TWIST2: variants seen among roughly 807,000 people sequenced by gnomAD.
TWIST2 encodes twist family bHLH transcription factor 2, also known as twist-related protein 2.
TWIST2 carries 1 observed loss-of-function variant against 11.6 expected under a neutral mutation model. The ratio of observed to expected loss-of-function variants is 0.09; its 90% CI spans 0.03 to 0.41. TWIST2 has a LOEUF of 0.41. TWIST2 is among the 10% of genes least tolerant of loss of function. The probability of loss-of-function intolerance (pLI) is 0.98; values close to 1 mark genes in which losing one functional copy is unlikely to be tolerated. For synonymous variants in TWIST2, 87 were observed against 96.6 expected (o/e 0.90, Z 0.58); for missense variants, 168 against 226.4 (o/e 0.74, Z 1.66).
intron 1 of TWIST2, among the ~76,000 whole-genome samples, chr2:238,896,593 A>ATCTT (rs1693210575): frequency 1.3e-5 from 2 of 152,182 alleles, no homozygotes; most frequent in Non-Finnish European, 2.9e-5. Context: ...GCCCTGTAAG[A>ATCTT]GCTCAGAGCA....
Position 238,855,375 on chromosome 2 carries a change from T to C in TWIST2, c.*35+6642T>C, listed in dbSNP as rs143200775. ...CACCAATGGGCGAACAGTGTCTTCA[T>C]TGAGGATTAATTTTCCTGAAATCAA... is the stretch of plus-strand genomic sequence containing the variant. On this transcript the variant is annotated intron_variant, in intron 1 of 1. Transcript: ENST00000612363. Among the ~76,000 whole-genome samples the C allele has an allele frequency of 6.6e-3, 1,004 of 152,324 alleles. 3 individuals are homozygous for C. Among genetic ancestry groups the C allele is most frequent in the Middle Eastern group, 0.014 (4 of 294 alleles).
At position 238,848,124 on chromosome 2, in the gene TWIST2, C is replaced by G. The variant is rs1574742116; in HGVS notation, c.-92C>G. On this transcript the variant is annotated 5_prime_UTR_variant, in exon 1 of 2. Coordinates refer to ENST00000612363, the MANE Select transcript of TWIST2 (RefSeq NM_001271893.4). Reference sequence around the variant, plus strand: ...TGAAATCAGAGCCTTTCCAGCAACTCCGAGAGCGTGTGCTCGGCGACCGCG... The same window carrying G: ...TGAAATCAGAGCCTTTCCAGCAACTGCGAGAGCGTGTGCTCGGCGACCGCG... 1 of 1,050,636 alleles carries G rather than the reference C, an allele frequency of 9.5e-7. No individual in the cohort carries two copies. The highest frequency in any genetic ancestry group is 4.9e-5 in the East Asian group (1 of 20,480). The allele number at this position is 1,050,636 out of a possible 1,614,324, so 65.1% of individuals were successfully genotyped here.
At chr2:238,870,574 ACCACACACACACACCACACACC>A (rs1559274204) in intron 1 of TWIST2, among the ~76,000 whole-genome samples, 2,733 of 72,618 alleles carry the variant, frequency 0.038, no homozygotes, top group Non-Finnish European at 0.044. Context: ...CACACCACAC[ACCACACACACACACCACACACC>A]CCACACACAC....
intron 1 of TWIST2, 25 bp downstream of exon 1, chr2:238,848,758 G>T: frequency 3.0e-6 from 4 of 1,330,084 alleles, no homozygotes; most frequent in Non-Finnish European, 3.8e-6. Context: ...CGCGACGGGC[G>T]CCCTCCGCTG....
At chr2:238,880,026 C>T (rs1692879174) in intron 1 of TWIST2, among the ~76,000 whole-genome samples, 1 of 152,174 alleles carries the variant, frequency 6.6e-6, no homozygotes, top group African/African-American at 2.4e-5. Flanking sequence ...GGGCTGCCAA[C>T]ATTGTAGGGC....
intron 1 of TWIST2, among the ~76,000 whole-genome samples, chr2:238,903,410 T>G (rs1693302936): frequency 2.1e-5 from 3 of 139,704 alleles, no homozygotes; most frequent in African/African-American, 5.4e-5. Flanking sequence ...TAATGTGAGG[T>G]GTGTGTGTGA....
rs1259250870 is a variant in TWIST2 at position 238,848,696 on chromosome 2, T to C, written c.481T>C (p.Ter161GlnextTer32). 1 of 1,510,224 alleles carries C rather than the reference T, an allele frequency of 6.6e-7. No homozygotes were observed. The highest frequency in any genetic ancestry group is 1.4e-5 in the African/African-American group (1 of 72,262). 93.6% of individuals were successfully genotyped at this position (1,510,224 alleles called of 1,614,324 possible). A position where few individuals can be genotyped will look rare whatever the true frequency, so the allele number is the denominator to read the frequency against. ...CGCGTGGTCCATGTCCGCCTCCCACTAGCGCCGCGCCACCCACCTCCGGAC... is the reference window on the plus strand; with the variant it reads ...CGCGTGGTCCATGTCCGCCTCCCACCAGCGCCGCGCCACCCACCTCCGGAC... The part of the protein sequence containing the change: ...EGAWSMSASH[*>Q] Residue 161 changes from the stop codon to glutamine (Q), a stop_lost, in exon 1 of 2, where the codon TAG becomes CAG. Coordinates refer to ENST00000612363, the MANE Select transcript of TWIST2 (RefSeq NM_001271893.4).
chr2:238,891,310 G>C (rs34944093), intron 1 of TWIST2, among the ~76,000 whole-genome samples: 30,222 of 152,192 alleles, frequency 0.2, 3,365 homozygotes, highest in Middle Eastern at 0.29. Context: ...CTGTGCTTGT[G>C]AACGGCCTTC....
intron 1 of TWIST2, among the ~76,000 whole-genome samples, chr2:238,905,947 G>A (rs1448097867): frequency 5.6e-4 from 63 of 112,412 alleles, no homozygotes; most frequent in African/African-American, 1.3e-3. Flanking sequence ...GTGTGTGCGC[G>A]CGCGTGTGTA....
chr2:238,855,559 C>G (rs1692315719), intron 1 of TWIST2, among the ~76,000 whole-genome samples: 1 of 152,202 alleles, frequency 6.6e-6, no homozygotes, highest in Admixed American at 6.5e-5. Context: ...TCCTTGTTTT[C>G]TGTCTGGTGA....
At position 238,865,008 on chromosome 2, in the gene TWIST2, A is replaced by C. The variant is rs370136189; in HGVS notation, c.*35+16275A>C. On this transcript the variant is annotated intron_variant, in intron 1 of 1. Coordinates refer to ENST00000612363, the MANE Select transcript of TWIST2 (RefSeq NM_001271893.4). ...CTCTTCTCTCCCCCTGCAAACTGAC[A>C]TAAAGGGTTTGAGAAACGATGGCAA... Among the ~76,000 whole-genome samples, 47 of 152,260 alleles carry C rather than the reference A, an allele frequency of 3.1e-4. No individual in the cohort carries two copies. In the East Asian group the frequency reaches 3.5e-3, roughly 11 times the overall value.
chr2:238,872,358 T>G (rs1692721794), intron 1 of TWIST2, among the ~76,000 whole-genome samples: 1 of 152,160 alleles, frequency 6.6e-6, no homozygotes, highest in African/African-American at 2.4e-5. Context: ...AGGAGTGGTC[T>G]CAGGTGCACC....
At chr2:238,862,260 A>C (rs1692448821) in intron 1 of TWIST2, among the ~76,000 whole-genome samples, 2 of 152,258 alleles carry the variant, frequency 1.3e-5, no homozygotes, top group South Asian at 4.1e-4. Flanking sequence ...TTAAAATTGT[A>C]AACTTTTATA....
intron 1 of TWIST2, among the ~76,000 whole-genome samples, chr2:238,902,360 G>A (rs1275391777): frequency 6.7e-6 from 1 of 150,236 alleles, no homozygotes; most frequent in South Asian, 2.1e-4. Context: ...TGTGTGAATC[G>A]GAGTATGTGG....
rs1242274994 is a variant in TWIST2, at chr2:238,903,453, AATGTGAGGTGTGTGTGATGTGTGTGCATG to A, written c.*36-6363_*36-6335del. Among the ~76,000 whole-genome samples, 457 of 61,572 alleles carry A rather than the reference AATGTGAGGTGTGTGTGATGTGTGTGCATG, an allele frequency of 7.4e-3. 3 individuals carry two copies. The highest frequency in any genetic ancestry group is 0.028 in the African/African-American group (433 of 15,400). The allele number at this position is 61,572 out of a possible 152,430, so 40.4% of individuals were successfully genotyped here. A position where few individuals can be genotyped will look rare whatever the true frequency, so the allele number is the denominator to read the frequency against. Reference sequence around the variant, plus strand: ...TGTGTGTGATGTGGGGTGTGGGTCTAATGTGAGGTGTGTGTGATGTGTGTGCATGATGTGAGGTGTGTGTGATGTGTGTG... The same window carrying A: ...TGTGTGTGATGTGGGGTGTGGGTCTAATGTGAGGTGTGTGTGATGTGTGTG... On this transcript the variant is annotated intron_variant, in intron 1 of 1. Transcript: ENST00000612363.
At chr2:238,849,602 A>G (rs998221393) in intron 1 of TWIST2, among the ~76,000 whole-genome samples, 8 of 152,144 alleles carry the variant, frequency 5.3e-5, no homozygotes, top group Admixed American at 2.0e-4. Flanking sequence ...CGAGGGGTCC[A>G]GGCTGGGAAA....
chr2:238,876,888 A>G (rs1186466633), intron 1 of TWIST2, among the ~76,000 whole-genome samples: 1 of 152,176 alleles, frequency 6.6e-6, no homozygotes, highest in African/African-American at 2.4e-5. Context: ...AAAATTTAAC[A>G]TATTTCTGTT....
chr2:238,851,517 T>C (rs900785983), intron 1 of TWIST2, among the ~76,000 whole-genome samples: 4 of 152,194 alleles, frequency 2.6e-5, no homozygotes, highest in African/African-American at 4.8e-5. Context: ...GAAAACATCT[T>C]CTCTAACTTC....
intron 1 of TWIST2, among the ~76,000 whole-genome samples, chr2:238,903,070 G>A (rs1693296992): frequency 2.1e-5 from 3 of 140,008 alleles, no homozygotes; most frequent in Non-Finnish European, 4.6e-5. Context: ...GTGATGTAGT[G>A]TGTGTGATGT....
Sources: gnomAD v4.1 joint callset for allele counts (sites outside exome capture counted in the v4.1 genomes callset) on GRCh38, gnomAD v4.1.1 for gene constraint, MANE v1.5 for transcripts, NCBI Gene and HGNC (gene_info 2026-07-23, HGNC 2026-07-21) for gene names.